NR2C2: variants seen among roughly 807,000 people sequenced by gnomAD.
NR2C2 encodes the protein Nuclear hormone receptor TR4.
A neutral mutation model predicts 62.9 loss-of-function variants in NR2C2; 6 were observed. That is an observed-to-expected ratio of 0.10 (90% CI 0.05 to 0.19). The LOEUF (loss-of-function observed/expected upper bound fraction) is 0.19, where lower values mean the gene tolerates loss of function less well. NR2C2 is among the 10% of genes least tolerant of loss of function. The pLI is 1.00. For missense variants in NR2C2, 479 were observed against 762.7 expected (o/e 0.63, Z 4.38); for synonymous variants, 272 against 273.8 (o/e 0.99, Z 0.07).
At chr3:15,005,520 T>A (rs1166009720) in intron 2 of NR2C2, among the ~76,000 whole-genome samples, 2 of 44,174 alleles carry the variant, frequency 4.5e-5, no homozygotes, top group African/African-American at 2.8e-4. Flanking sequence ...CGTGGCCAAC[T>A]TTTTTTTTTT....
At chr3:14,950,105 G>A (rs1279683221) in intron 1 of NR2C2, among the ~76,000 whole-genome samples, 1 of 152,072 alleles carries the variant, frequency 6.6e-6, no homozygotes, top group Non-Finnish European at 1.5e-5. Flanking sequence ...TAGAGTTATT[G>A]TTGTCATTAT....
chr3:15,038,925 C>T, intron 12 of NR2C2, 197 bp from the exon 13 acceptor site: 1 of 577,956 alleles, frequency 1.7e-6, no homozygotes, highest in Admixed American at 3.0e-5. Context: ...CCCCGACCCG[C>T]TCCCAGGAAC....
intron 2 of NR2C2, 152 bp downstream of exon 2, chr3:15,004,138 G>T (rs1181368762): frequency 4.6e-6 from 3 of 647,972 alleles, no homozygotes; most frequent in African/African-American, 1.9e-5. Flanking sequence ...AAGAAAAAAT[G>T]CTTACATTTA....
intron 3 of NR2C2, 27 bp from the exon 4 acceptor site, chr3:15,016,125 C>T (rs1395049897): frequency 1.3e-6 from 2 of 1,560,302 alleles, no homozygotes; most frequent in Middle Eastern, 1.7e-4. Context: ...TAATTGGCAC[C>T]CCTGTTCGTT....
intron 2 of NR2C2, among the ~76,000 whole-genome samples, chr3:15,011,540 G>A (rs2041352979): frequency 6.6e-6 from 1 of 152,064 alleles, no homozygotes; most frequent in Admixed American, 6.6e-5. Flanking sequence ...TTTTCACAAG[G>A]TTTTCTGTCT....
intron 5 of NR2C2, among the ~76,000 whole-genome samples, chr3:15,022,491 G>A (rs535516641): frequency 3.6e-5 from 5 of 137,520 alleles, no homozygotes; most frequent in East Asian, 4.6e-4. Flanking sequence ...TGCAGCCTCC[G>A]CCTCCCAGGT....
At chr3:14,999,489 T>TC (rs772988959) in intron 1 of NR2C2, among the ~76,000 whole-genome samples, 4 of 151,596 alleles carry the variant, frequency 2.6e-5, no homozygotes, top group South Asian at 2.1e-4. Flanking sequence ...AGAGATCTTG[T>TC]CCCCCCCAAA....
At chr3:15,010,103 C>T (rs551487555) in intron 2 of NR2C2, among the ~76,000 whole-genome samples, 28 of 152,266 alleles carry the variant, frequency 1.8e-4, no homozygotes, top group Non-Finnish European at 3.5e-4. Context: ...GGGTACAGTT[C>T]TATGCACAAT....
chr3:15,019,789 C>T (rs1456674901), intron 4 of NR2C2, among the ~76,000 whole-genome samples: 1 of 152,042 alleles, frequency 6.6e-6, no homozygotes, highest in Non-Finnish European at 1.5e-5. Context: ...GAAAGACTGA[C>T]CAACTGGTAC....
intron 13 of NR2C2, among the ~76,000 whole-genome samples, chr3:15,041,221 G>A (rs1450282367): frequency 6.6e-6 from 1 of 152,064 alleles, no homozygotes; most frequent in Non-Finnish European, 1.5e-5. Flanking sequence ...TTACTGTCTG[G>A]AATATCCATT....
chr3:15,021,001 A>T, intron 5 of NR2C2, 69 bp downstream of exon 5: 1 of 1,446,016 alleles, frequency 6.9e-7, no homozygotes, highest in Non-Finnish European at 9.5e-7. Context: ...CCATTAAATA[A>T]GGTTTCTATA....
intron 2 of NR2C2, among the ~76,000 whole-genome samples, 195 bp from the exon 3 acceptor site, chr3:15,013,394 C>T (rs987668680): frequency 2.6e-5 from 4 of 152,180 alleles, no homozygotes; most frequent in Non-Finnish European, 5.9e-5. Flanking sequence ...CTAAAATTAG[C>T]TTTATGAAAA....
chr3:14,989,558 GC>G (rs1559548708), intron 1 of NR2C2, among the ~76,000 whole-genome samples: 3 of 152,078 alleles, frequency 2.0e-5, no homozygotes, highest in African/African-American at 7.2e-5. Flanking sequence ...GCTTTGAGAG[GC>G]CCAGGTGGAA....
intron 1 of NR2C2, among the ~76,000 whole-genome samples, chr3:14,969,332 A>G (rs2039968329): frequency 7.0e-6 from 1 of 142,206 alleles, no homozygotes; most frequent in Non-Finnish European, 1.5e-5. Flanking sequence ...TGCAACAACC[A>G]CTTCCGTTCA....
At chr3:14,995,168 T>A (rs1419534965) in intron 1 of NR2C2, among the ~76,000 whole-genome samples, 1 of 151,204 alleles carries the variant, frequency 6.6e-6, no homozygotes, top group African/African-American at 2.4e-5. Flanking sequence ...CTGGCTAGTT[T>A]TTTTAATTTT....
rs371981775 is a variant in NR2C2, at chr3:15,002,645, CTTTTTTTTTTTTTTTT to C, written c.-39-1216_-39-1201del. The stretch of plus-strand genomic sequence containing the variant: ...TTTTTTGTGAAGTGTTCACAATATA[CTTTTTTTTTTTTTTTT>C]TTTTTTTTTTTTTTGAGACAAAGTT... On this transcript the variant is annotated intron_variant, in intron 1 of 13. Coordinates refer to ENST00000425241, the MANE Select transcript of NR2C2 (RefSeq NM_001291694.2). 4.0e-4 allele frequency among the ~76,000 whole-genome samples: 16 copies of C among 39,510 alleles called. No homozygotes were observed. The East Asian group carries it at 9.5e-3, about 24-fold the overall frequency. 25.9% of individuals were successfully genotyped at this position (39,510 alleles called of 152,430 possible). A position where few individuals can be genotyped will look rare whatever the true frequency, so the allele number is the denominator to read the frequency against.
At chr3:15,025,618 A>G (rs766883560) in intron 7 of NR2C2, 7 of 152,208 alleles carry the variant, frequency 4.6e-5, no homozygotes, top group African/African-American at 7.2e-5. Flanking sequence ...CTGTTTTCCA[A>G]TTTTACTTTG....
At chr3:15,038,400 A>T (rs2042162245) in intron 12 of NR2C2, 1 of 323,506 alleles carries the variant, frequency 3.1e-6, no homozygotes, top group African/African-American at 2.2e-5. Context: ...ACCATTGGCC[A>T]AACAAGACTA....
intron 1 of NR2C2, among the ~76,000 whole-genome samples, chr3:14,969,315 G>A (rs1205218271): frequency 7.6e-5 from 11 of 144,936 alleles, no homozygotes; most frequent in Admixed American, 2.8e-4. Flanking sequence ...GTGTGGTCTC[G>A]GCTCACTGCA....
Sources: gnomAD v4.1 joint callset for allele counts (sites outside exome capture counted in the v4.1 genomes callset) on GRCh38, gnomAD v4.1.1 for gene constraint, MANE v1.5 for transcripts, NCBI Gene and HGNC (gene_info 2026-07-23, HGNC 2026-07-21) for gene names.